The following PCGF6 variants were observed in gnomAD, a reference collection of about 807,000 sequenced individuals.
The protein encoded by PCGF6 is polycomb group ring finger 6.
A neutral mutation model predicts 45.5 loss-of-function variants in PCGF6; 24 were observed. The ratio of observed to expected loss-of-function variants is 0.53; its 90% confidence interval spans 0.38 to 0.74. PCGF6 has a LOEUF of 0.74. Among genes scored for constraint, PCGF6 ranks in the 30% least tolerant of loss-of-function variants. The pLI is 0.00. For synonymous variants in PCGF6, 152 were observed against 162.1 expected (o/e 0.94, Z 0.47); for missense variants, 356 against 443.2 (o/e 0.80, Z 1.77).
chr10:103,337,694 G>A (rs1199669824), intron 6 of PCGF6, among the ~76,000 whole-genome samples: 2 of 152,032 alleles, frequency 1.3e-5, no homozygotes, highest in African/African-American at 4.8e-5. Flanking sequence ...TTGGGAGGTC[G>A]AGGTGGGTGG....
intron 7 of PCGF6, among the ~76,000 whole-genome samples, chr10:103,328,987 T>C (rs1336957855): frequency 2.6e-5 from 4 of 151,874 alleles, no homozygotes; most frequent in African/African-American, 9.7e-5. Flanking sequence ...CCTCATGATC[T>C]ACCGGCCTCA....
At chr10:103,315,049 A>C (rs1328210417) in intron 8 of PCGF6, among the ~76,000 whole-genome samples, 1 of 152,044 alleles carries the variant, frequency 6.6e-6, no homozygotes, top group Non-Finnish European at 1.5e-5. Flanking sequence ...CTTAGGAGGA[A>C]TATCTCATTT....
At chr10:103,348,590 G>A (rs1287174700) in intron 3 of PCGF6, 126 bp downstream of exon 3, 6 of 720,766 alleles carry the variant, frequency 8.3e-6, no homozygotes, top group Non-Finnish European at 1.3e-5. Context: ...CTCCCAAAGT[G>A]CTGGGATTAT....
intron 9 of PCGF6, among the ~76,000 whole-genome samples, chr10:103,310,772 G>A (rs1161663494): frequency 1.3e-5 from 2 of 152,052 alleles, no homozygotes; most frequent in Non-Finnish European, 2.9e-5. Context: ...TGTGATCATG[G>A]ATCACTGCAA....
At chr10:103,307,043 G>T (rs2093140556) in intron 9 of PCGF6, among the ~76,000 whole-genome samples, 1 of 152,046 alleles carries the variant, frequency 6.6e-6, no homozygotes, top group African/African-American at 2.4e-5. Flanking sequence ...GGCAAAGGTT[G>T]CAGTGAGCCA....
In PCGF6 at chr10:103,347,578, G is replaced by A. The variant is rs576312546; in HGVS notation, c.558-128C>T. 7 of 686,472 alleles carry A rather than the reference G, an allele frequency of 1.0e-5. No homozygotes were observed. The Admixed American group carries it at 1.7e-4, about 17-fold the overall frequency. The allele number at this position is 686,472 out of a possible 1,614,324, so 42.5% of individuals were successfully genotyped here. A position where few individuals can be genotyped will look rare whatever the true frequency, so the allele number is the denominator to read the frequency against. ...CTCAGAGGTGAGTTACTTTTAAGTA[G>A]CATTTACAGTTCCTAAAATATAACT... On this transcript the variant is annotated intron_variant, in intron 3 of 9. Transcript: ENST00000369847.
chr10:103,306,975 A>G (rs894623861), intron 9 of PCGF6, among the ~76,000 whole-genome samples: 3 of 151,874 alleles, frequency 2.0e-5, no homozygotes, highest in African/African-American at 4.8e-5. Flanking sequence ...GTGGTGGCAC[A>G]TGTCTATATT....
At chr10:103,304,213 T>G (rs982892894) in intron 9 of PCGF6, among the ~76,000 whole-genome samples, 1 of 151,798 alleles carries the variant, frequency 6.6e-6, no homozygotes, top group Non-Finnish European at 1.5e-5. Context: ...CTCAGCTCAC[T>G]GCAACCTCTG....
At chr10:103,347,143 A>C (rs983086236) in intron 5 of PCGF6, 95 bp downstream of exon 5, 1 of 933,780 alleles carries the variant, frequency 1.1e-6, no homozygotes, top group Middle Eastern at 3.4e-4. Flanking sequence ...CTGATCATAT[A>C]ATAAGCTACC....
chr10:103,322,946 C>A (rs538220522), intron 8 of PCGF6, among the ~76,000 whole-genome samples: 1 of 150,776 alleles, frequency 6.6e-6, no homozygotes, highest in Non-Finnish European at 1.5e-5. Context: ...TACACACACA[C>A]AGACACATAA....
At chr10:103,321,111 G>C (rs2093195648) in intron 8 of PCGF6, among the ~76,000 whole-genome samples, 1 of 152,166 alleles carries the variant, frequency 6.6e-6, no homozygotes, top group African/African-American at 2.4e-5. Context: ...TACAGTAGCT[G>C]AGTGGTAGAA....
intron 8 of PCGF6, among the ~76,000 whole-genome samples, chr10:103,325,315 G>A (rs895810079): frequency 2.0e-5 from 3 of 151,988 alleles, no homozygotes; most frequent in Middle Eastern, 3.2e-3. Context: ...GTGCAGTAGC[G>A]CAATCTTGGC....
At chr10:103,317,010 T>A (rs368750443) in intron 8 of PCGF6, among the ~76,000 whole-genome samples, 12 of 152,214 alleles carry the variant, frequency 7.9e-5, no homozygotes, top group Middle Eastern at 3.4e-3. Context: ...TTATTAATTT[T>A]ATTTTATTTT....
chr10:103,344,562 C>A (rs909178604), intron 6 of PCGF6, among the ~76,000 whole-genome samples: 42 of 151,788 alleles, frequency 2.8e-4, no homozygotes, highest in Non-Finnish European at 4.9e-4. Context: ...GCCACCATGC[C>A]CAGCCTTTTT....
chr10:103,309,536 T>C (rs1025818547), intron 9 of PCGF6, among the ~76,000 whole-genome samples: 21 of 152,210 alleles, frequency 1.4e-4, no homozygotes, highest in African/African-American at 4.3e-4. Context: ...GACAATTAAA[T>C]CTGTTTTATT....
chr10:103,319,053 C>T (rs2093186880), intron 8 of PCGF6, among the ~76,000 whole-genome samples: 2 of 152,162 alleles, frequency 1.3e-5, no homozygotes, highest in Non-Finnish European at 2.9e-5. Flanking sequence ...GAGAAAAAGT[C>T]CTCATCTTTT....
chr10:103,314,674 G>A (rs2093168302), intron 8 of PCGF6, among the ~76,000 whole-genome samples: 1 of 152,118 alleles, frequency 6.6e-6, no homozygotes, highest in South Asian at 2.1e-4. Flanking sequence ...TTAAGGCCGG[G>A]AGCAGTGGCT....
chr10:103,319,811 A>G (rs1173384577), intron 8 of PCGF6, among the ~76,000 whole-genome samples: 2 of 152,068 alleles, frequency 1.3e-5, no homozygotes, highest in African/African-American at 4.8e-5. Flanking sequence ...TAATAATAAT[A>G]ACCTAACTTT....
intron 9 of PCGF6, among the ~76,000 whole-genome samples, chr10:103,310,197 C>A (rs2093152237): frequency 6.6e-6 from 1 of 151,558 alleles, no homozygotes; most frequent in African/African-American, 2.4e-5. Flanking sequence ...GGTGATCCCC[C>A]CACCTCGGCC....
Sources: allele counts gnomAD v4.1 joint callset (sites outside exome capture counted in the v4.1 genomes callset), GRCh38; gene constraint gnomAD v4.1.1; transcripts MANE v1.5; gene names NCBI Gene and HGNC (gene_info 2026-07-23, HGNC 2026-07-21).